DUXA: variants seen among roughly 807,000 people sequenced by gnomAD.
DUXA encodes double homeobox A.
A neutral mutation model predicts 27.5 loss-of-function variants in DUXA; 25 were observed. The observed-to-expected ratio is 0.91, with a 90% CI of 0.66 to 1.27. The LOEUF is 1.27. DUXA is among the 50% of genes most tolerant of loss of function. The pLI is 0.00. For synonymous variants in DUXA, 90 were observed against 80.5 expected (o/e 1.12, Z -0.63); for missense variants, 247 against 242.9 (o/e 1.02, Z -0.11).
intron 1 of DUXA, among the ~76,000 whole-genome samples, chr19:57,167,021 A>G (rs2087058458): frequency 6.6e-6 from 1 of 152,172 alleles, no homozygotes; most frequent in Non-Finnish European, 1.5e-5. Flanking sequence ...CATTCTGTAG[A>G]GAGAAATCAG....
intron 1 of DUXA, among the ~76,000 whole-genome samples, chr19:57,163,938 G>C (rs141762634): frequency 6.6e-6 from 1 of 152,090 alleles, no homozygotes; most frequent in Admixed American, 6.5e-5. Flanking sequence ...GTTTAGACTG[G>C]GCGTAGGTGG....
chr19:57,158,733 C>T (rs961241766), intron 3 of DUXA, among the ~76,000 whole-genome samples: 6 of 152,110 alleles, frequency 3.9e-5, no homozygotes, highest in African/African-American at 1.4e-4. Flanking sequence ...CCTGTAATGC[C>T]GGCACTTTAA....
At chr19:57,167,385 C>G in intron 1 of DUXA, 34 bp downstream of exon 1, 1 of 1,611,294 alleles carries the variant, frequency 6.2e-7, no homozygotes, top group Middle Eastern at 1.7e-4. Context: ...TTCCCCAAAC[C>G]AACAAAAGCT....
At chr19:57,166,552 CCCACCGCGG>C (rs1205899620) in intron 1 of DUXA, among the ~76,000 whole-genome samples, 1 of 152,188 alleles carries the variant, frequency 6.6e-6, no homozygotes, top group Non-Finnish European at 1.5e-5. Context: ...TCGTGATCTG[CCCACCGCGG>C]CCTCCCAAAG....
intron 3 of DUXA, 85 bp downstream of exon 3, chr19:57,159,082 G>A: frequency 8.5e-7 from 1 of 1,182,988 alleles, no homozygotes; most frequent in Non-Finnish European, 1.2e-6. Context: ...AGGTCATCAG[G>A]GAGGAGACAT....
intron 1 of DUXA, among the ~76,000 whole-genome samples, chr19:57,165,325 AT>A (rs74179419): frequency 0.013 from 953 of 73,590 alleles, 4 homozygotes; most frequent in African/African-American, 0.018. Context: ...AAAAAAAAAA[AT>A]ATATATATAT....
chr19:57,164,612 G>C (rs1002709906), intron 1 of DUXA, among the ~76,000 whole-genome samples: 2 of 151,808 alleles, frequency 1.3e-5, no homozygotes, highest in African/African-American at 4.8e-5. Flanking sequence ...TTTAAAAAAG[G>C]CTAGATGACT....
intron 1 of DUXA, among the ~76,000 whole-genome samples, chr19:57,165,799 C>CG (rs1234071518): frequency 1.0e-5 from 1 of 98,552 alleles, no homozygotes; most frequent in Non-Finnish European, 2.2e-5. Flanking sequence ...AGTGAGACTC[C>CG]TCTCAAAAAA....
intron 1 of DUXA, among the ~76,000 whole-genome samples, chr19:57,164,228 C>T (rs1027572833): frequency 1.3e-5 from 2 of 152,160 alleles, no homozygotes; most frequent in Non-Finnish European, 2.9e-5. Context: ...CCCACGGATG[C>T]AAGGATGCCT....
At chr19:57,166,530 G>A (rs2087055847) in intron 1 of DUXA, among the ~76,000 whole-genome samples, 1 of 152,144 alleles carries the variant, frequency 6.6e-6, no homozygotes. Context: ...GGCTGGTCTT[G>A]AACTCCTGAC....
chr19:57,162,751 T>G (rs1213970782), intron 1 of DUXA, among the ~76,000 whole-genome samples: 1 of 152,094 alleles, frequency 6.6e-6, no homozygotes, highest in Admixed American at 6.6e-5. Flanking sequence ...ATTTTTTGTA[T>G]TTTTAGTAGA....
At chr19:57,157,806 C>T (rs1200916017) in intron 4 of DUXA, among the ~76,000 whole-genome samples, 2 of 151,972 alleles carry the variant, frequency 1.3e-5, no homozygotes, top group Admixed American at 1.3e-4. Flanking sequence ...GACTGGGCAA[C>T]ATGGCGAAAC....
chr19:57,163,312 A>G (rs546934929), intron 1 of DUXA, among the ~76,000 whole-genome samples: 2 of 152,064 alleles, frequency 1.3e-5, no homozygotes, highest in South Asian at 4.2e-4. Flanking sequence ...ATGCTTAGCT[A>G]AGTTTTTGAT....
At chr19:57,159,332 A>G (rs1225794361) in intron 2 of DUXA, 54 bp from the exon 3 acceptor site, 1 of 1,505,056 alleles carries the variant, frequency 6.6e-7, no homozygotes, top group African/African-American at 1.4e-5. Context: ...TTTAAGCTAC[A>G]TCACTGCCTG....
At chr19:57,161,705 A>T (rs879927591) in intron 1 of DUXA, among the ~76,000 whole-genome samples, 147 of 152,124 alleles carry the variant, frequency 9.7e-4, no homozygotes, top group Non-Finnish European at 1.6e-3. Context: ...AATTTTTTTT[A>T]AAAAACAATG....
chr19:57,167,101 C>T (rs2087058764), intron 1 of DUXA, among the ~76,000 whole-genome samples: 1 of 152,010 alleles, frequency 6.6e-6, no homozygotes, highest in Non-Finnish European at 1.5e-5. Flanking sequence ...GTGATGTGTC[C>T]CATAGTTGCT....
rs973401791 is a variant in DUXA, at chr19:57,154,300, A to G, written c.*112T>C. The G allele has an allele frequency of 3.8e-5, 39 of 1,013,486 alleles. No individual in the cohort carries two copies. The highest frequency in any genetic ancestry group is 5.8e-5 in the Non-Finnish European group (39 of 670,828). 62.8% of individuals were successfully genotyped at this position (1,013,486 alleles called of 1,614,324 possible). On this transcript the variant is annotated 3_prime_UTR_variant, in exon 6 of 6. Transcript: ENST00000554048. ...ACCACATCTGGCCAAGTCCTTTACC[A>G]TCTTCAGAAGGCTTAGCTTGCAGTT...
rs2087004278 is a variant in DUXA, at chr19:57,158,566, C to G, written c.293-93G>C. The G allele has an allele frequency of 2.7e-6, 4 of 1,476,798 alleles. No individual in the cohort carries two copies. In the South Asian group the frequency reaches 5.2e-5, roughly 19 times the overall value. 91.5% of individuals were successfully genotyped at this position (1,476,798 alleles called of 1,614,324 possible). ...AAACACAGAACCCAAACTTGTCACT[C>G]TCCCTCCAATTTCGATCCCACTGAC... On this transcript the variant is annotated intron_variant, in intron 3 of 5. Transcript: ENST00000554048.
intron 2 of DUXA, among the ~76,000 whole-genome samples, chr19:57,160,358 G>A (rs980791380): frequency 9.2e-5 from 14 of 152,172 alleles, no homozygotes; most frequent in African/African-American, 3.4e-4. Context: ...ATATTTAATT[G>A]GTAAATAGCT....
Sources: gnomAD v4.1 joint callset for allele counts (sites outside exome capture counted in the v4.1 genomes callset) on GRCh38, gnomAD v4.1.1 for gene constraint, MANE v1.5 for transcripts, NCBI Gene and HGNC (gene_info 2026-07-23, HGNC 2026-07-21) for gene names.